The following EIPR1 variants were observed in gnomAD, a reference collection of about 807,000 sequenced individuals.
EIPR1 encodes EARP and GARP complex-interacting protein 1.
EIPR1 carries 25 observed loss-of-function variants against 48.1 expected under a neutral mutation model. That is an observed-to-expected ratio of 0.52 (90% confidence interval 0.38 to 0.73). EIPR1 has a LOEUF of 0.73. Among genes scored for constraint, EIPR1 ranks in the 30% least tolerant of loss-of-function variants. EIPR1 has a pLI of 0.00. For synonymous variants in EIPR1, 204 were observed against 201.9 expected, an observed-to-expected ratio of 1.01 and a Z score of -0.09; for missense variants, 415 against 506.2, an observed-to-expected ratio of 0.82 and a Z score of 1.73.
At chr2:3,228,836 A>G (rs1666149679) in intron 4 of EIPR1, among the ~76,000 whole-genome samples, 1 of 152,182 alleles carries the variant, frequency 6.6e-6, no homozygotes, top group African/African-American at 2.4e-5. Flanking sequence ...TCTGTGAAGA[A>G]GGTGCCTGCT....
At chr2:3,306,444 A>C (rs953256510) in intron 3 of EIPR1, among the ~76,000 whole-genome samples, 3 of 152,244 alleles carry the variant, frequency 2.0e-5, no homozygotes, top group African/African-American at 7.2e-5. Context: ...GGCCATAAAC[A>C]ACACACAGTT....
At chr2:3,263,341 T>C (rs191565120) in intron 3 of EIPR1, among the ~76,000 whole-genome samples, 5 of 152,310 alleles carry the variant, frequency 3.3e-5, no homozygotes, top group African/African-American at 7.2e-5. Flanking sequence ...ACCCACAGTA[T>C]TGCATGTGGC....
chr2:3,226,034 A>G (rs6548130), intron 4 of EIPR1, among the ~76,000 whole-genome samples: 139,201 of 152,282 alleles, frequency 0.91, 64,118 homozygotes, highest in East Asian at 0.98. Flanking sequence ...TTATCCCTTC[A>G]TCTGTCAAAT....
At chr2:3,274,309 A>C (rs1321086026) in intron 3 of EIPR1, 6 of 1,550,410 alleles carry the variant, frequency 3.9e-6, no homozygotes, top group Non-Finnish European at 5.2e-6. Flanking sequence ...GCACAAATGC[A>C]GAACACCAAA....
chr2:3,218,240 T>C (rs561899569), intron 4 of EIPR1, among the ~76,000 whole-genome samples: 4 of 141,816 alleles, frequency 2.8e-5, no homozygotes, highest in African/African-American at 8.0e-5. Context: ...AACACGACCC[T>C]GATATGCTCT....
intron 1 of EIPR1, among the ~76,000 whole-genome samples, chr2:3,370,251 C>G (rs921516394): frequency 6.6e-6 from 1 of 152,118 alleles, no homozygotes; most frequent in African/African-American, 2.4e-5. Context: ...TCATCATCAT[C>G]AAAGACCAAA....
intron 4 of EIPR1, among the ~76,000 whole-genome samples, chr2:3,250,405 T>G (rs999711723): frequency 2.6e-5 from 4 of 152,250 alleles, no homozygotes; most frequent in African/African-American, 7.2e-5. Flanking sequence ...AATGTTTACC[T>G]AATGCCTGCA....
intron 4 of EIPR1, among the ~76,000 whole-genome samples, chr2:3,228,714 T>G (rs949552285): frequency 6.6e-6 from 1 of 152,170 alleles, no homozygotes; most frequent in Non-Finnish European, 1.5e-5. Context: ...AATTGAATCA[T>G]GGGGGCAATT....
chr2:3,263,332 C>G (rs755207005), intron 3 of EIPR1, among the ~76,000 whole-genome samples: 16 of 152,186 alleles, frequency 1.1e-4, no homozygotes, highest in Non-Finnish European at 2.1e-4. Context: ...TGGAGACCCA[C>G]CCACAGTATT....
intron 3 of EIPR1, among the ~76,000 whole-genome samples, chr2:3,296,030 C>T (rs1668572459): frequency 7.8e-6 from 1 of 128,816 alleles, no homozygotes; most frequent in African/African-American, 3.0e-5. Flanking sequence ...TCCAGCCCAT[C>T]CTCTCTACTC....
At chr2:3,271,273 C>T (rs750769234) in intron 3 of EIPR1, among the ~76,000 whole-genome samples, 2 of 152,194 alleles carry the variant, frequency 1.3e-5, no homozygotes, top group African/African-American at 2.4e-5. Context: ...CCATTAACTT[C>T]CTATTAATGT....
rs541339452 is a variant in EIPR1 at position 3,243,663 on chromosome 2, A to T, written c.416+13636T>A. On this transcript the variant is annotated intron_variant, in intron 4 of 8. Coordinates refer to ENST00000382125, the MANE Select transcript of EIPR1 (RefSeq NM_003310.5). ...AACCCAAAATGAAATTAAATTAAAAATTTTTTTTAAAAATTTAAAAAGAAT... is the reference window on the plus strand; with the variant it reads ...AACCCAAAATGAAATTAAATTAAAATTTTTTTTTAAAAATTTAAAAAGAAT... Among the ~76,000 whole-genome samples the T allele has an allele frequency of 1.3e-3, 202 of 152,066 alleles. 1 individual carries two copies. Among genetic ancestry groups the T allele is most frequent in the Middle Eastern group, 3.4e-3 (1 of 294 alleles).
intron 3 of EIPR1, among the ~76,000 whole-genome samples, chr2:3,268,042 C>G (rs759606192): frequency 6.6e-6 from 1 of 152,314 alleles, no homozygotes; most frequent in East Asian, 1.9e-4. Flanking sequence ...GCAGGGGCTT[C>G]CACGCCATGG....
intron 2 of EIPR1, among the ~76,000 whole-genome samples, chr2:3,341,528 G>A (rs1670247950): frequency 6.6e-6 from 1 of 152,118 alleles, no homozygotes; most frequent in Non-Finnish European, 1.5e-5. Context: ...GGGTGTGGGT[G>A]TGGGGGAGGT....
chr2:3,219,102 A>G (rs1291053972), intron 4 of EIPR1, among the ~76,000 whole-genome samples: 1 of 149,614 alleles, frequency 6.7e-6, no homozygotes, highest in East Asian at 2.0e-4. Context: ...ACAGTGACTC[A>G]GGTGCACACC....
chr2:3,340,244 G>A (rs1670194157), intron 2 of EIPR1, among the ~76,000 whole-genome samples: 1 of 152,226 alleles, frequency 6.6e-6, no homozygotes, highest in African/African-American at 2.4e-5. Flanking sequence ...TTCATACCCA[G>A]CCAGTGCCCA....
At chr2:3,221,037 A>G (rs1200957729) in intron 4 of EIPR1, among the ~76,000 whole-genome samples, 2 of 37,880 alleles carry the variant, frequency 5.3e-5, no homozygotes, top group African/African-American at 1.8e-4. Flanking sequence ...CGTACACTCT[A>G]GAACACTCAC....
chr2:3,229,513 CAG>C (rs1666170976), intron 4 of EIPR1, among the ~76,000 whole-genome samples: 1 of 152,222 alleles, frequency 6.6e-6, no homozygotes, highest in Non-Finnish European at 1.5e-5. Context: ...TCGTGATTAG[CAG>C]ATGTTTTATC....
intron 1 of EIPR1, among the ~76,000 whole-genome samples, chr2:3,370,135 G>C (rs995510718): frequency 2.2e-4 from 34 of 152,194 alleles, no homozygotes; most frequent in Admixed American, 2.0e-3. Flanking sequence ...ACAGGGTCTG[G>C]AGTGGACCTC....
Sources: gnomAD v4.1 joint callset for allele counts (sites outside exome capture counted in the v4.1 genomes callset) on GRCh38, gnomAD v4.1.1 for gene constraint, MANE v1.5 for transcripts, NCBI Gene and HGNC (gene_info 2026-07-23, HGNC 2026-07-21) for gene names.